ZKSCAN2: variants seen among roughly 807,000 people sequenced by gnomAD.
ZKSCAN2 encodes zinc finger with KRAB and SCAN domains 2.
A neutral mutation model predicts 90.5 loss-of-function variants in ZKSCAN2; 38 were observed. That is an observed-to-expected ratio of 0.42 (90% CI 0.32 to 0.55). ZKSCAN2 has a LOEUF of 0.55. ZKSCAN2 is among the 20% of genes least tolerant of loss of function. ZKSCAN2 has a pLI of 0.11. For synonymous variants in ZKSCAN2, 429 were observed against 421.6 expected (o/e 1.02, Z -0.22); for missense variants, 1,167 against 1,202.6 (o/e 0.97, Z 0.44).
chr16:25,247,556 C>A (rs1191416425), intron 4 of ZKSCAN2, among the ~76,000 whole-genome samples, 166 bp from the exon 5 acceptor site: 1 of 152,214 alleles, frequency 6.6e-6, no homozygotes, highest in Non-Finnish European at 1.5e-5. Context: ...CAAACATCTA[C>A]TAACTTACAC....
At chr16:25,252,905 G>T (rs1473111221) in intron 3 of ZKSCAN2, 41 bp downstream of exon 3, 4 of 1,515,574 alleles carry the variant, frequency 2.6e-6, no homozygotes, top group East Asian at 4.5e-5. Flanking sequence ...GTGACAGAGT[G>T]AGACTCCATC....
Position 25,251,936 on chromosome 16 carries a change from C to T in ZKSCAN2, c.778G>A (p.Glu260Lys). The change falls in exon 4 of 7, where the codon GAG becomes AAG. Residue 260 changes from glutamate (E) to lysine (K), a missense_variant. Transcript: ENST00000328086. ...QRDLYRDFRK[E>K]NVGNVVSLGS... is the part of the protein sequence containing the mutation. ...AGGGAGACCACGTTCCCAACATTCT[C>T]CTTCCTGAAATCCCGGTAGAGGTCC... is the stretch of plus-strand genomic sequence containing the variant. 1 of 1,614,156 alleles carries T rather than the reference C, an allele frequency of 6.2e-7. No individual in the cohort carries two copies. Among genetic ancestry groups the T allele is most frequent in the Non-Finnish European group, 8.5e-7 (1 of 1,180,002 alleles).
chr16:25,251,095 T>C (rs1215505109), intron 4 of ZKSCAN2, among the ~76,000 whole-genome samples: 3 of 152,076 alleles, frequency 2.0e-5, no homozygotes, highest in Non-Finnish European at 4.4e-5. Flanking sequence ...TAAATTTATT[T>C]GTACCCCAAT....
At position 25,240,405 on chromosome 16, in the gene ZKSCAN2, T is replaced by G. The variant is rs1420483081; in HGVS notation, c.2315A>C (p.Glu772Ala). ...RLMCRMTHHK[E>A]NPYKCGVCGK... ...ACAGACACCACACTTGTAAGGATTC[T>G]CCTTGTGGTGGGTCATCCGGCACAT... Residue 772 changes from glutamate (E) to alanine (A), a missense_variant, in exon 7 of 7, where the codon GAG becomes GCG. Transcript: ENST00000328086. 5 of 1,614,212 alleles carry G rather than the reference T, an allele frequency of 3.1e-6. No homozygotes were observed.
chr16:25,237,638 T>TATC lies in ZKSCAN2; in HGVS notation c.*2175_*2177dup, dbSNP rs199596594. The TATC allele has an allele frequency of 0.029, 4,430 of 152,330 alleles. 96 individuals are homozygous for TATC. Among genetic ancestry groups the TATC allele is most frequent in the Non-Finnish European group, 0.043 (2,922 of 68,036 alleles). 9.4% of individuals were successfully genotyped at this position (152,330 alleles called of 1,614,324 possible). On this transcript the variant is annotated 3_prime_UTR_variant, in exon 7 of 7. Coordinates refer to ENST00000328086, the MANE Select transcript of ZKSCAN2 (RefSeq NM_001012981.5). Reference sequence around the variant, plus strand: ...CCAACTTTTGCTGTGATGCTTCCTCTATCAAACTGTGAGTTCCTTGAGCCC... The same window carrying TATC: ...CCAACTTTTGCTGTGATGCTTCCTCTATCATCAAACTGTGAGTTCCTTGAGCCC...
At position 25,239,932 on chromosome 16, in the gene ZKSCAN2, G is replaced by A; in HGVS notation, c.2788C>T (p.Leu930Phe). 6.2e-7 allele frequency: 1 copy of A among 1,614,174 alleles called. No homozygotes were observed. Among genetic ancestry groups the A allele is most frequent in the African/African-American group, 1.3e-5 (1 of 75,052 alleles). ...ACATGAACTTCCCGATGTTTGGTAA[G>A]AACAGAACTCTTACTGAAACGTTTG... ...CGKRFSKSSV[L>F]TKHREVHVRE... Residue 930 changes from leucine to phenylalanine, a missense_variant, in exon 7 of 7, where the codon CTT (leucine) becomes TTT (phenylalanine). Transcript: ENST00000328086.
chr16:25,244,360 G>GT (rs1962902140), intron 5 of ZKSCAN2, 84 bp from the exon 6 acceptor site: 2 of 1,451,386 alleles, frequency 1.4e-6, no homozygotes, highest in Admixed American at 4.6e-5. Context: ...AAATGTAGAG[G>GT]TAAAAAAAAA....
rs546783900 is a variant in ZKSCAN2 at position 25,237,132 on chromosome 16, A to G, written c.*2684T>C. 1 of 152,704 alleles carries G rather than the reference A, an allele frequency of 6.5e-6. No individual in the cohort carries two copies. Among genetic ancestry groups the G allele is most frequent in the East Asian group, 1.9e-4 (1 of 5,192 alleles). The allele number at this position is 152,704 out of a possible 1,614,324, so 9.5% of individuals were successfully genotyped here. A position where few individuals can be genotyped will look rare whatever the true frequency, so the allele number is the denominator to read the frequency against. On this transcript the variant is annotated 3_prime_UTR_variant, in exon 7 of 7. Transcript: ENST00000328086. ...AGAGCTTTCCTTGGCACTGAGATCTAGATAAAAAAACCTTTTTCTATGAAT... is the reference window on the plus strand; with the variant it reads ...AGAGCTTTCCTTGGCACTGAGATCTGGATAAAAAAACCTTTTTCTATGAAT...
intron 4 of ZKSCAN2, among the ~76,000 whole-genome samples, chr16:25,249,552 G>T (rs1386335254): frequency 6.6e-6 from 1 of 152,100 alleles, no homozygotes; most frequent in African/African-American, 2.4e-5. Flanking sequence ...AAAGTTCTGG[G>T]ATTACAGGCA....
intron 4 of ZKSCAN2, 61 bp downstream of exon 4, chr16:25,251,848 G>A: frequency 1.3e-6 from 2 of 1,569,798 alleles, no homozygotes; most frequent in South Asian, 2.3e-5. Flanking sequence ...CTTCTAATCA[G>A]TAGAAATGAA....
intron 4 of ZKSCAN2, among the ~76,000 whole-genome samples, chr16:25,251,548 C>T (rs757317296): frequency 1.3e-5 from 2 of 152,102 alleles, no homozygotes; most frequent in African/African-American, 2.4e-5. Context: ...ATGAACATGT[C>T]GTAATTTGAA....
chr16:25,243,880 A>G lies in ZKSCAN2; in HGVS notation c.1886T>C (p.Val629Ala). 1 of 1,613,974 alleles carries G rather than the reference A, an allele frequency of 6.2e-7. No homozygotes were observed. Among genetic ancestry groups the G allele is most frequent in the Non-Finnish European group, 8.5e-7 (1 of 1,179,994 alleles). Residue 629 changes from valine to alanine, a missense_variant, in exon 6 of 7, where the codon GTA becomes GCA. Coordinates refer to ENST00000328086, the MANE Select transcript of ZKSCAN2 (RefSeq NM_001012981.5). ...WEPEETSQEAVIEDSCSERMS... is the reference protein window; with the variant it reads ...WEPEETSQEAAIEDSCSERMS... ...TCTCTCACTGCAAGAGTCTTCTATT[A>G]CTGCCTCCTGTGAGGTCTCTTCAGG...
At position 25,243,017 on chromosome 16, in the gene ZKSCAN2, C is replaced by T. The variant is rs375531493; in HGVS notation, c.1981+768G>A. On this transcript the variant is annotated intron_variant, in intron 6 of 6. Transcript: ENST00000328086. Reference sequence around the variant, plus strand: ...GCCTGAGTTACTAGTGACAGGCCCACGAGGGCGTAAGTCAGTGGGAAACAT... The same window carrying T: ...GCCTGAGTTACTAGTGACAGGCCCATGAGGGCGTAAGTCAGTGGGAAACAT... Among the ~76,000 whole-genome samples the T allele has an allele frequency of 7.2e-5, 11 of 152,312 alleles. 1 individual carries two copies. The highest frequency in any genetic ancestry group is 7.2e-5 in the African/African-American group (3 of 41,566).
At position 25,257,355 on chromosome 16, in the gene ZKSCAN2, G is replaced by C; in HGVS notation, c.-228C>G. 4 of 1,276,970 alleles carry C rather than the reference G, an allele frequency of 3.1e-6. No homozygotes were observed. The highest frequency in any genetic ancestry group is 3.9e-6 in the Non-Finnish European group (4 of 1,013,814). 79.1% of individuals were successfully genotyped at this position (1,276,970 alleles called of 1,614,324 possible). A position where few individuals can be genotyped will look rare whatever the true frequency, so the allele number is the denominator to read the frequency against. ...AAAGCCTGGCCTCTTCTCCAAACAA[G>C]ATGTGACCGCGCAATGTGGTTTTCC... On this transcript the variant is annotated 5_prime_UTR_variant, in exon 1 of 7. It adds an upstream start codon to the 5' untranslated region. Transcript: ENST00000328086.
Position 25,253,053 on chromosome 16 carries a change from G to A in ZKSCAN2, c.587-16C>T. On this transcript the variant is annotated splice_polypyrimidine_tract_variant and intron_variant, in intron 2 of 6. Transcript: ENST00000328086. ...GAAGGCCGAGCTGTAAGAATAGAAA[G>A]AAACGATTAGTAATCTGGGCTTTGA... The A allele has an allele frequency of 1.9e-6, 3 of 1,595,032 alleles. No individual in the cohort carries two copies. Among genetic ancestry groups the A allele is most frequent in the Non-Finnish European group, 2.6e-6 (3 of 1,162,600 alleles).
Position 25,246,915 on chromosome 16 carries a change from G to A in ZKSCAN2, c.1281C>T (p.Asn427=). The A allele has an allele frequency of 6.2e-7, 1 of 1,614,152 alleles. No homozygotes were observed. Among genetic ancestry groups the A allele is most frequent in the Non-Finnish European group, 8.5e-7 (1 of 1,180,038 alleles). Residue 427 remains asparagine, a synonymous_variant, in exon 5 of 7, where the codon AAC becomes AAT. Coordinates refer to ENST00000328086, the MANE Select transcript of ZKSCAN2 (RefSeq NM_001012981.5). ...CAGTGGACGGAGCACGGGCTGCAGG[G>A]TTCAACAAAGCATCCATGTCCTCAA... ...AFFEDMDALL[N]PAARAPSTDK... is the part of the protein sequence containing the mutation.
intron 3 of ZKSCAN2, 94 bp from the exon 4 acceptor site, chr16:25,252,129 A>T: frequency 1.3e-5 from 18 of 1,424,682 alleles, no homozygotes; most frequent in Non-Finnish European, 1.7e-5. Context: ...AACCCTAAAG[A>T]ACTGAAATCA....
At position 25,239,574 on chromosome 16, in the gene ZKSCAN2, T is replaced by A. The variant is rs1455080584; in HGVS notation, c.*242A>T. 2.3e-6 allele frequency: 1 copy of A among 425,736 alleles called. No individual in the cohort carries two copies. The highest frequency in any genetic ancestry group is 3.6e-5 in the East Asian group (1 of 27,826). 26.4% of individuals were successfully genotyped at this position (425,736 alleles called of 1,614,324 possible). ...TGGCCTCAATGTACTGAAGGGTATT[T>A]CATTCTGAACTCGGACAATGTATCT... On this transcript the variant is annotated 3_prime_UTR_variant, in exon 7 of 7. Coordinates refer to ENST00000328086, the MANE Select transcript of ZKSCAN2 (RefSeq NM_001012981.5).
At position 25,240,554 on chromosome 16, in the gene ZKSCAN2, C is replaced by T; in HGVS notation, c.2166G>A (p.Gln722=). Residue 722 remains glutamine, a synonymous_variant, in exon 7 of 7, where the codon CAG becomes CAA. Coordinates refer to ENST00000328086, the MANE Select transcript of ZKSCAN2 (RefSeq NM_001012981.5). ...CTCTAGGCTGAGACATCGGCTTTCC[C>T]TGTCTAATTCCTTGAAGATTTTCCC... ...RQWENLQGIR[Q]GKPMSQPRDL... is the part of the protein sequence containing the mutation. 6.2e-7 allele frequency: 1 copy of T among 1,614,164 alleles called. No homozygotes were observed. The highest frequency in any genetic ancestry group is 1.1e-5 in the South Asian group (1 of 91,058).
Sources: allele counts gnomAD v4.1 joint callset (sites outside exome capture counted in the v4.1 genomes callset), GRCh38; gene constraint gnomAD v4.1.1; transcripts MANE v1.5; gene names NCBI Gene and HGNC (gene_info 2026-07-23, HGNC 2026-07-21).